Variants in ELMO1 observed in about 807,000 individuals in gnomAD.
ELMO1 encodes engulfment and cell motility 1, also known as engulfment and cell motility protein 1.
A neutral mutation model predicts 98.9 loss-of-function variants in ELMO1; 26 were observed. That is an observed-to-expected ratio of 0.26 (90% CI 0.19 to 0.36). The LOEUF (loss-of-function observed/expected upper bound fraction) is 0.36, where lower values mean the gene tolerates loss of function less well. ELMO1 is among the 10% of genes least tolerant of loss of function. ELMO1 has a pLI of 1.00. For missense variants in ELMO1, 627 were observed against 935.2 expected (o/e 0.67, Z 4.30); for synonymous variants, 346 against 346.0 (o/e 1.00, Z 0.00).
chr7:37,416,247 G>T (rs1804207886), intron 1 of ELMO1, among the ~76,000 whole-genome samples: 1 of 152,202 alleles, frequency 6.6e-6, no homozygotes, highest in Non-Finnish European at 1.5e-5. Flanking sequence ...ACAATACGAA[G>T]TTCACAAAGA....
chr7:37,330,567 G>T (rs927615309), intron 2 of ELMO1, among the ~76,000 whole-genome samples: 2 of 152,108 alleles, frequency 1.3e-5, no homozygotes, highest in African/African-American at 4.8e-5. Context: ...CCATCAATCA[G>T]AATATGTTTC....
intron 14 of ELMO1, among the ~76,000 whole-genome samples, chr7:37,104,149 T>C (rs527338268): frequency 1.1e-4 from 16 of 151,608 alleles, no homozygotes; most frequent in African/African-American, 3.9e-4. Flanking sequence ...TCCCCGGGTG[T>C]TGTCTAATCA....
At chr7:37,105,678 C>T (rs187503561) in intron 14 of ELMO1, among the ~76,000 whole-genome samples, 1 of 152,288 alleles carries the variant, frequency 6.6e-6, no homozygotes, top group Admixed American at 6.5e-5. Flanking sequence ...TCTGTCACAT[C>T]TACATTCCCA....
intron 1 of ELMO1, among the ~76,000 whole-genome samples, chr7:37,412,179 C>G (rs778575879): frequency 6.6e-6 from 1 of 152,152 alleles, no homozygotes; most frequent in Non-Finnish European, 1.5e-5. Flanking sequence ...ACATGAAATC[C>G]TTTTGTTCTT....
intron 16 of ELMO1, among the ~76,000 whole-genome samples, chr7:36,966,537 C>T (rs1255227499): frequency 6.6e-6 from 1 of 152,204 alleles, no homozygotes; most frequent in African/African-American, 2.4e-5. Flanking sequence ...GGGCTCTTTC[C>T]TTTCTCAATC....
intron 2 of ELMO1, among the ~76,000 whole-genome samples, chr7:37,329,849 T>C (rs893960665): frequency 6.6e-5 from 10 of 152,232 alleles, no homozygotes; most frequent in Non-Finnish European, 1.2e-4. Context: ...CGGGGACACA[T>C]ACCTAACTTC....
At position 37,315,902 on chromosome 7, in the gene ELMO1, ATCCTGAG is replaced by A; in HGVS notation, c.119+11_119+17del. ...TTATCAACTAGAATGCCTTAGATAA[ATCCTGAG>A]TAACACTTACCCATCACAGACTTCC... On this transcript the variant is annotated intron_variant, in intron 3 of 21. Coordinates refer to ENST00000310758, the MANE Select transcript of ELMO1 (RefSeq NM_014800.11). 6.3e-7 allele frequency: 1 copy of A among 1,591,900 alleles called. No homozygotes were observed. The highest frequency in any genetic ancestry group is 8.5e-7 in the Non-Finnish European group (1 of 1,171,304).
chr7:37,249,190 C>G (rs1005044044), intron 6 of ELMO1, among the ~76,000 whole-genome samples: 6 of 152,082 alleles, frequency 3.9e-5, no homozygotes, highest in African/African-American at 1.2e-4. Flanking sequence ...CTGGTTCAGG[C>G]AAGATGAAAA....
intron 1 of ELMO1, among the ~76,000 whole-genome samples, chr7:37,388,859 C>T (rs1802940231): frequency 6.6e-6 from 1 of 152,188 alleles, no homozygotes; most frequent in Non-Finnish European, 1.5e-5. Flanking sequence ...AAAAGACGTT[C>T]TGCATGTCAA....
intron 1 of ELMO1, among the ~76,000 whole-genome samples, chr7:37,380,910 G>A (rs1053454906): frequency 6.6e-6 from 1 of 152,142 alleles, no homozygotes; most frequent in Admixed American, 6.5e-5. Context: ...ACATTAGATA[G>A]CACGCCAGTA....
intron 16 of ELMO1, among the ~76,000 whole-genome samples, chr7:36,927,338 A>T (rs1562830745): frequency 6.6e-6 from 1 of 152,232 alleles, no homozygotes; most frequent in Non-Finnish European, 1.5e-5. Flanking sequence ...AGAAACAACT[A>T]GCGAAATCAA....
At chr7:37,305,833 T>C (rs1798586917) in intron 4 of ELMO1, among the ~76,000 whole-genome samples, 1 of 152,158 alleles carries the variant, frequency 6.6e-6, no homozygotes, top group African/African-American at 2.4e-5. Flanking sequence ...GAGGAAAACA[T>C]AAATCAGCAC....
chr7:37,057,591 C>T (rs1299197886), intron 15 of ELMO1, among the ~76,000 whole-genome samples: 1 of 152,214 alleles, frequency 6.6e-6, no homozygotes, highest in Non-Finnish European at 1.5e-5. Flanking sequence ...GATACAGAAG[C>T]TTTATCCACT....
chr7:36,882,291 G>A (rs1804532999), intron 18 of ELMO1, among the ~76,000 whole-genome samples: 1 of 152,204 alleles, frequency 6.6e-6, no homozygotes, highest in South Asian at 2.1e-4. Flanking sequence ...AGTCTTCTGT[G>A]TGTTCAGAAC....
At chr7:37,213,304 G>C in intron 12 of ELMO1, 31 bp downstream of exon 12, 4 of 1,606,204 alleles carry the variant, frequency 2.5e-6, no homozygotes, top group Non-Finnish European at 3.4e-6. Context: ...TGTCCTTCCT[G>C]TGCTTTGACT....
At chr7:36,981,868 C>T (rs1268808806) in intron 16 of ELMO1, among the ~76,000 whole-genome samples, 107 of 152,322 alleles carry the variant, frequency 7.0e-4, no homozygotes, top group Non-Finnish European at 1.2e-4. Context: ...CATTCTGTTT[C>T]TCTGTTACCA....
chr7:37,258,344 G>T (rs923648411), intron 6 of ELMO1, among the ~76,000 whole-genome samples: 1 of 152,136 alleles, frequency 6.6e-6, no homozygotes, highest in Non-Finnish European at 1.5e-5. Context: ...AGGAGGCTGA[G>T]GTGGGAGGAT....
intron 15 of ELMO1, among the ~76,000 whole-genome samples, chr7:37,051,246 AATAAG>A (rs1796097789): frequency 6.6e-6 from 1 of 152,208 alleles, no homozygotes; most frequent in Non-Finnish European, 1.5e-5. Flanking sequence ...GTGAGATGAT[AATAAG>A]AGCTTTGCAA....
Position 37,342,920 on chromosome 7 carries a change from C to T in ELMO1, c.-73-157G>A, listed in dbSNP as rs1583590648. On this transcript the variant is annotated intron_variant, in intron 1 of 21. Coordinates refer to ENST00000310758, the MANE Select transcript of ELMO1 (RefSeq NM_014800.11). The surrounding 1 kb of genome is among the most constrained non-coding windows in gnomAD (Gnocchi z 4.3). ...AGGTGCAGGGGCACAGCCAACGGTA[C>T]AATGGGCTCCTGAGGAAAGAAGAAA... 2 of 462,024 alleles carry T rather than the reference C, an allele frequency of 4.3e-6. No homozygotes were observed. Among genetic ancestry groups the T allele is most frequent in the Non-Finnish European group, 7.7e-6 (2 of 260,682 alleles). The allele number at this position is 462,024 out of a possible 1,614,324, so 28.6% of individuals were successfully genotyped here. A position where few individuals can be genotyped will look rare whatever the true frequency, so the allele number is the denominator to read the frequency against.
Sources: gnomAD v4.1 joint callset for allele counts (sites outside exome capture counted in the v4.1 genomes callset) on GRCh38, gnomAD v4.1.1 for gene constraint, Gnocchi (gnomAD v3.1) non-coding constraint, MANE v1.5 for transcripts, NCBI Gene and HGNC (gene_info 2026-07-23, HGNC 2026-07-21) for gene names.